ERC2: variants seen among roughly 807,000 people sequenced by gnomAD.
ERC2 encodes the protein ERC protein 2.
In ERC2, 42 loss-of-function variants were observed where a neutral mutation model predicts 114.8. That is an observed-to-expected ratio of 0.37 (90% CI 0.29 to 0.47). ERC2 has a LOEUF of 0.47. Among genes scored for constraint, ERC2 ranks in the 20% least tolerant of loss-of-function variants. ERC2 has a pLI of 0.99. For synonymous variants in ERC2, 454 were observed against 425.5 expected (o/e 1.07, Z -0.82); for missense variants, 939 against 1,150.7 (o/e 0.82, Z 2.66).
chr3:56,340,990 A>T (rs2058068829), intron 2 of ERC2, among the ~76,000 whole-genome samples: 1 of 152,214 alleles, frequency 6.6e-6, no homozygotes, highest in Non-Finnish European at 1.5e-5. Flanking sequence ...GGGGGGAAAA[A>T]ATCCTGAAAC....
rs920605581 is a variant in ERC2, at chr3:55,984,221, T to G, written c.2267+1756A>C. Among the ~76,000 whole-genome samples the G allele has an allele frequency of 3.3e-5, 5 of 151,990 alleles. No individual in the cohort carries two copies. The East Asian group carries it at 9.7e-4, about 29-fold the overall frequency. On this transcript the variant is annotated intron_variant, in intron 12 of 17. Coordinates refer to ENST00000288221, the MANE Select transcript of ERC2 (RefSeq NM_015576.3). ...CCCTGCCCCTTGTCCAGAGAACCAC[T>G]GGACATCCATCACCCCTTCCAGCCC...
chr3:55,583,533 CTTCCTTCCTTT>C (rs1388621657), intron 17 of ERC2, among the ~76,000 whole-genome samples: 10 of 59,696 alleles, frequency 1.7e-4, no homozygotes, highest in East Asian at 4.3e-4. Flanking sequence ...CCCTTCCTTC[CTTCCTTCCTTT>C]CTTCCTTCCT....
intron 17 of ERC2, among the ~76,000 whole-genome samples, chr3:55,616,676 A>G (rs6762795): frequency 0.92 from 139,462 of 151,138 alleles, 64,488 homozygotes; most frequent in East Asian, 1. Flanking sequence ...AGCACTTTCC[A>G]TGCATTATTT....
intron 12 of ERC2, among the ~76,000 whole-genome samples, chr3:55,952,738 T>C (rs577261729): frequency 6.6e-6 from 1 of 152,152 alleles, no homozygotes; most frequent in Admixed American, 6.5e-5. Flanking sequence ...AAATACAGAT[T>C]ATTATTACAA....
At chr3:55,749,694 A>C (rs905948921) in intron 14 of ERC2, among the ~76,000 whole-genome samples, 1 of 152,168 alleles carries the variant, frequency 6.6e-6, no homozygotes, top group African/African-American at 2.4e-5. Flanking sequence ...ACAGAAACAG[A>C]ACATGGGCGG....
chr3:55,511,963 C>T (rs891375755), intron 17 of ERC2, among the ~76,000 whole-genome samples: 8 of 152,356 alleles, frequency 5.3e-5, no homozygotes, highest in Non-Finnish European at 7.3e-5. Context: ...TGATGCTCAA[C>T]TTTGTGTGCC....
chr3:56,330,157 G>A (rs560119521), intron 2 of ERC2, among the ~76,000 whole-genome samples: 31 of 151,984 alleles, frequency 2.0e-4, no homozygotes, highest in African/African-American at 5.1e-4. Context: ...CCTCAGCCTC[G>A]TGAGTAGCTG....
intron 3 of ERC2, among the ~76,000 whole-genome samples, chr3:56,189,081 G>T (rs567113180): frequency 8.5e-5 from 13 of 152,276 alleles, no homozygotes; most frequent in African/African-American, 3.1e-4. Context: ...GTCTTGAAGA[G>T]GTTAATGGAG....
At chr3:55,562,791 C>T (rs1178971258) in intron 17 of ERC2, among the ~76,000 whole-genome samples, 2 of 151,876 alleles carry the variant, frequency 1.3e-5, no homozygotes, top group Non-Finnish European at 2.9e-5. Flanking sequence ...CATTTCTGTC[C>T]ATGCTAATAC....
At chr3:56,124,520 C>T (rs1394270710) in intron 6 of ERC2, among the ~76,000 whole-genome samples, 1 of 152,072 alleles carries the variant, frequency 6.6e-6, no homozygotes, top group East Asian at 1.9e-4. Flanking sequence ...AATTCCCAAA[C>T]CTTGTAAAGA....
intron 14 of ERC2, among the ~76,000 whole-genome samples, chr3:55,742,071 A>C (rs1052781192): frequency 7.5e-6 from 1 of 134,168 alleles, no homozygotes; most frequent in East Asian, 2.2e-4. Context: ...ATAAAACACC[A>C]AAAAAAATGG....
chr3:56,238,277 C>T (rs771988314), intron 3 of ERC2, among the ~76,000 whole-genome samples: 54 of 152,192 alleles, frequency 3.5e-4, no homozygotes, highest in Non-Finnish European at 6.5e-4. Flanking sequence ...GAAACCAAGA[C>T]GAAATAGGTG....
intron 17 of ERC2, among the ~76,000 whole-genome samples, chr3:55,614,047 G>T (rs2059023645): frequency 6.8e-6 from 1 of 146,928 alleles, no homozygotes; most frequent in African/African-American, 2.5e-5. Flanking sequence ...GGCCATCAGT[G>T]GTAAGACCTG....
intron 17 of ERC2, among the ~76,000 whole-genome samples, chr3:55,514,481 G>A (rs2052348462): frequency 6.6e-6 from 1 of 152,234 alleles, no homozygotes; most frequent in African/African-American, 2.4e-5. Context: ...GTGGATCTGA[G>A]TGGACCTAAT....
chr3:56,107,416 C>T (rs148385928), intron 6 of ERC2, among the ~76,000 whole-genome samples: 2 of 152,134 alleles, frequency 1.3e-5, no homozygotes, highest in African/African-American at 4.8e-5. Flanking sequence ...TCTGACTCAA[C>T]CAAGGGGCTT....
intron 15 of ERC2, among the ~76,000 whole-genome samples, chr3:55,717,340 C>A (rs1047827991): frequency 6.6e-6 from 1 of 152,158 alleles, no homozygotes; most frequent in African/African-American, 2.4e-5. Context: ...CTTGGGAGTT[C>A]CAAGCTGGGA....
intron 7 of ERC2, among the ~76,000 whole-genome samples, chr3:56,042,628 C>A (rs1269297202): frequency 6.6e-6 from 1 of 152,010 alleles, no homozygotes. Flanking sequence ...TAAGACCGCT[C>A]CCCAAAGTGC....
intron 3 of ERC2, among the ~76,000 whole-genome samples, chr3:56,270,963 C>A (rs546293090): frequency 5.3e-5 from 8 of 152,280 alleles, no homozygotes; most frequent in Admixed American, 1.3e-4. Flanking sequence ...GCCTGGGAAA[C>A]AGAGCAAGAC....
intron 14 of ERC2, among the ~76,000 whole-genome samples, chr3:55,866,998 T>C (rs546215729): frequency 8.3e-4 from 126 of 152,296 alleles, no homozygotes; most frequent in Admixed American, 2.2e-3. Context: ...TTGTCTTGAA[T>C]GATTTATATA....
Sources: gnomAD v4.1 joint callset for allele counts (sites outside exome capture counted in the v4.1 genomes callset) on GRCh38, gnomAD v4.1.1 for gene constraint, MANE v1.5 for transcripts, NCBI Gene and HGNC (gene_info 2026-07-23, HGNC 2026-07-21) for gene names.